Variants in PLCH1 observed in about 807,000 individuals in gnomAD.
The protein encoded by PLCH1 is 1-phosphatidylinositol 4,5-bisphosphate phosphodiesterase eta-1.
Under a neutral mutation model 126.7 loss-of-function variants are expected in PLCH1, and 60 were observed. That is an observed-to-expected ratio of 0.47 (90% CI 0.38 to 0.59). The LOEUF is 0.59. Among genes scored for constraint, PLCH1 ranks in the 20% least tolerant of loss-of-function variants. The pLI is 0.00. For missense variants in PLCH1, 1,723 were observed against 2,040.0 expected (o/e 0.84, Z 2.99); for synonymous variants, 719 against 734.9 (o/e 0.98, Z 0.35).
At chr3:155,598,038 G>C (rs1330558854) in intron 2 of PLCH1, among the ~76,000 whole-genome samples, 2 of 151,966 alleles carry the variant, frequency 1.3e-5, no homozygotes, top group Admixed American at 6.6e-5. Flanking sequence ...ACAAAAATTA[G>C]CCAGGCGTGG....
Position 155,724,813 on chromosome 3 carries a change from T to TTGTGTGTGTGTGTG in PLCH1, c.-41+20013_-41+20026dup, listed in dbSNP as rs60805589. On this transcript the variant is annotated intron_variant, in intron 1 of 22. Coordinates refer to ENST00000460012, the MANE Select transcript of PLCH1 (RefSeq NM_014996.4). Reference sequence around the variant, plus strand: ...TGTTGCCTGAATACCTTGGGGGGTTTTGTGTGTGTGTGTGTGTGTGTGTGT... The same window carrying TTGTGTGTGTGTGTG: ...TGTTGCCTGAATACCTTGGGGGGTTTTGTGTGTGTGTGTGTGTGTGTGTGTGTGTGTGTGTGTGT... Among the ~76,000 whole-genome samples, 911 of 140,130 alleles carry TTGTGTGTGTGTGTG rather than the reference T, an allele frequency of 6.5e-3. 17 individuals are homozygous for TTGTGTGTGTGTGTG. Among genetic ancestry groups the TTGTGTGTGTGTGTG allele is most frequent in the African/African-American group, 0.022 (827 of 36,870 alleles). 91.9% of individuals were successfully genotyped at this position (140,130 alleles called of 152,430 possible). A position where few individuals can be genotyped will look rare whatever the true frequency, so the allele number is the denominator to read the frequency against.
At chr3:155,637,601 T>C (rs79726500) in intron 2 of PLCH1, among the ~76,000 whole-genome samples, 8,132 of 152,300 alleles carry the variant, frequency 0.053, 453 homozygotes, top group African/African-American at 0.13. Flanking sequence ...ATGCGTTTTG[T>C]GAGTAGTCCC....
chr3:155,625,988 C>G (rs1390263171), intron 2 of PLCH1, among the ~76,000 whole-genome samples: 1 of 152,178 alleles, frequency 6.6e-6, no homozygotes, highest in Non-Finnish European at 1.5e-5. Context: ...AAATGCCCAT[C>G]AGTGATAGAC....
intron 13 of PLCH1, among the ~76,000 whole-genome samples, chr3:155,502,041 G>C (rs1717984019): frequency 6.6e-6 from 1 of 152,104 alleles, no homozygotes. Context: ...AAGCTACACT[G>C]TTGGCATAAA....
intron 10 of PLCH1, among the ~76,000 whole-genome samples, chr3:155,531,572 C>A (rs771256415): frequency 5.3e-5 from 8 of 152,176 alleles, no homozygotes; most frequent in Non-Finnish European, 1.0e-4. Context: ...TTGTAGTGAC[C>A]CAAGATGGCG....
At chr3:155,495,436 G>A (rs1379892520) in intron 15 of PLCH1, among the ~76,000 whole-genome samples, 1 of 151,940 alleles carries the variant, frequency 6.6e-6, no homozygotes, top group African/African-American at 2.4e-5. Flanking sequence ...TCCCCAAAAT[G>A]GCCGCCCATA....
intron 2 of PLCH1, among the ~76,000 whole-genome samples, chr3:155,627,074 C>T (rs1284531966): frequency 6.6e-6 from 1 of 152,114 alleles, no homozygotes; most frequent in African/African-American, 2.4e-5. Flanking sequence ...AATAATGTCA[C>T]ATGATATGCA....
intron 21 of PLCH1, among the ~76,000 whole-genome samples, chr3:155,470,758 TG>T (rs1050554074): frequency 6.0e-4 from 91 of 150,652 alleles, no homozygotes; most frequent in African/African-American, 2.0e-3. Context: ...CAGAAGAGAG[TG>T]GGGGCCAATA....
At chr3:155,523,875 T>C (rs1384142176) in intron 11 of PLCH1, 22 bp downstream of exon 11, 7 of 1,365,914 alleles carry the variant, frequency 5.1e-6, no homozygotes, top group Non-Finnish European at 7.2e-6. Context: ...GGATAAAAAA[T>C]ATGGTCATGC....
rs1447296798 is a variant in PLCH1 at position 155,582,138 on chromosome 3, G to A, written c.771+1334C>T. Reference sequence around the variant, plus strand: ...GCTCTGCCGCCCAGGCTGGAGTGCAGGGGCTCAATCTCAGCTCACTACAAC... The same window carrying A: ...GCTCTGCCGCCCAGGCTGGAGTGCAAGGGCTCAATCTCAGCTCACTACAAC... On this transcript the variant is annotated intron_variant, in intron 6 of 22. Coordinates refer to ENST00000460012, the MANE Select transcript of PLCH1 (RefSeq NM_014996.4). 4.9e-5 allele frequency among the ~76,000 whole-genome samples: 7 copies of A among 143,332 alleles called. No individual in the cohort carries two copies. The East Asian group carries it at 1.4e-3, about 30-fold the overall frequency. The allele number at this position is 143,332 out of a possible 152,430, so 94.0% of individuals were successfully genotyped here. A position where few individuals can be genotyped will look rare whatever the true frequency, so the allele number is the denominator to read the frequency against.
At position 155,579,291 on chromosome 3, in the gene PLCH1, T is replaced by G. The variant is rs76185531; in HGVS notation, c.771+4181A>C. ...ACAGTCAAGTATATGTGCGGATACT[T>G]GCCCACTAGGAATCTCACATTGCTC... On this transcript the variant is annotated intron_variant, in intron 6 of 22. Coordinates refer to ENST00000460012, the MANE Select transcript of PLCH1 (RefSeq NM_014996.4). Among the ~76,000 whole-genome samples the G allele has an allele frequency of 2.0e-5, 3 of 152,362 alleles. No homozygotes were observed. In the East Asian group the frequency reaches 5.8e-4, roughly 29 times the overall value.
At chr3:155,486,585 C>T (rs1240858838) in intron 21 of PLCH1, among the ~76,000 whole-genome samples, 2 of 140,386 alleles carry the variant, frequency 1.4e-5, no homozygotes, top group African/African-American at 5.5e-5. Context: ...ACTGCAGTGG[C>T]GCAATCTCGG....
chr3:155,687,520 C>T (rs892053900), intron 2 of PLCH1, among the ~76,000 whole-genome samples: 2 of 152,106 alleles, frequency 1.3e-5, no homozygotes, highest in Non-Finnish European at 2.9e-5. Context: ...ATGGTGCCTA[C>T]AGTTGCTAGA....
intron 1 of PLCH1, among the ~76,000 whole-genome samples, chr3:155,721,666 A>G (rs58142291): frequency 0.21 from 32,103 of 152,114 alleles, 3,490 homozygotes; most frequent in South Asian, 0.27. Flanking sequence ...CCACAGTTAG[A>G]CTTCCTCTTT....
chr3:155,671,082 G>A (rs1743389260), intron 2 of PLCH1, among the ~76,000 whole-genome samples: 1 of 152,144 alleles, frequency 6.6e-6, no homozygotes. Flanking sequence ...CTCTAACAAA[G>A]TAATAACATT....
chr3:155,559,650 A>T (rs1727312613), intron 8 of PLCH1, among the ~76,000 whole-genome samples: 1 of 152,220 alleles, frequency 6.6e-6, no homozygotes, highest in Non-Finnish European at 1.5e-5. Context: ...TGAGGAAGAT[A>T]TTTGGGAGCA....
intron 6 of PLCH1, among the ~76,000 whole-genome samples, chr3:155,569,946 T>C (rs1728985080): frequency 2.0e-5 from 3 of 152,184 alleles, no homozygotes; most frequent in Admixed American, 2.0e-4. Context: ...GTGAAGACTT[T>C]TATAACCAAA....
chr3:155,570,105 G>A (rs533059002), intron 6 of PLCH1, among the ~76,000 whole-genome samples: 4 of 152,126 alleles, frequency 2.6e-5, no homozygotes, highest in African/African-American at 9.6e-5. Context: ...TTGACTCTTT[G>A]CAAAATACAG....
At chr3:155,682,017 G>T (rs1282564303) in intron 2 of PLCH1, among the ~76,000 whole-genome samples, 2 of 152,138 alleles carry the variant, frequency 1.3e-5, no homozygotes, top group African/African-American at 4.8e-5. Context: ...GCAATATCTG[G>T]TTCTGAAGCA....
Sources: gnomAD v4.1 joint callset for allele counts (sites outside exome capture counted in the v4.1 genomes callset) on GRCh38, gnomAD v4.1.1 for gene constraint, MANE v1.5 for transcripts, NCBI Gene and HGNC (gene_info 2026-07-23, HGNC 2026-07-21) for gene names.